C2CD3: variants seen among roughly 807,000 people sequenced by gnomAD.
The protein encoded by C2CD3 is C2 domain-containing protein 3.
Under a neutral mutation model 234.0 loss-of-function variants are expected in C2CD3, and 148 were observed. That is an observed-to-expected ratio of 0.63 (90% CI 0.55 to 0.72). The LOEUF is 0.72. Ranked by LOEUF, C2CD3 falls within the 30% of genes least tolerant of loss-of-function variation. The pLI is 0.00. For synonymous variants in C2CD3, 1,000 were observed against 1,035.4 expected (o/e 0.97, Z 0.66); for missense variants, 2,577 against 2,811.5 (o/e 0.92, Z 1.89).
intron 24 of C2CD3, 97 bp downstream of exon 24, chr11:74,074,156 A>C (rs1954922928): frequency 1.2e-6 from 1 of 825,142 alleles, no homozygotes; most frequent in African/African-American, 1.7e-5. Context: ...ATCAGTTGAG[A>C]TAATTAACAG....
intron 29 of C2CD3, among the ~76,000 whole-genome samples, chr11:74,040,150 G>T (rs1394317070): frequency 2.0e-5 from 3 of 152,212 alleles, no homozygotes; most frequent in Non-Finnish European, 4.4e-5. Flanking sequence ...AGCAGCATTA[G>T]ATTCTCATAG....
Position 74,103,165 on chromosome 11 carries a change from C to T in C2CD3, c.2546G>A (p.Trp849Ter). ...GTTAAAGACCGGTTGTGTTGTGCCC[C>T]ATGCGATGACAGATCTGGTGACTTC... The part of the protein sequence containing the change: ...TEEVTRSVIA[W>*]GTTQPVFNFS... The change falls in exon 14 of 33, where the codon TGG becomes TAG. Residue 849 changes from tryptophan (W) to a stop codon, truncating the protein, a stop_gained. Coordinates refer to ENST00000334126, the MANE Select transcript of C2CD3 (RefSeq NM_001286577.2). LOFTEE classifies it high-confidence loss of function. The T allele has an allele frequency of 6.2e-7, 1 of 1,613,812 alleles. No individual in the cohort carries two copies. The highest frequency in any genetic ancestry group is 8.5e-7 in the Non-Finnish European group (1 of 1,179,726).
At chr11:74,097,567 A>G (rs1197955630) in intron 16 of C2CD3, among the ~76,000 whole-genome samples, 1 of 152,246 alleles carries the variant, frequency 6.6e-6, no homozygotes, top group African/African-American at 2.4e-5. Context: ...ATGTATGTCA[A>G]TGTGCTTTCT....
intron 32 of C2CD3, among the ~76,000 whole-genome samples, chr11:74,014,536 GCC>G (rs1951810564): frequency 1.5e-5 from 2 of 131,124 alleles, no homozygotes; most frequent in African/African-American, 8.8e-5. Flanking sequence ...CGAGAGTTGC[GCC>G]CAGCGAGAGT....
intron 3 of C2CD3, among the ~76,000 whole-genome samples, chr11:74,142,576 G>C (rs1258107373): frequency 1.3e-5 from 2 of 152,144 alleles, no homozygotes; most frequent in East Asian, 1.9e-4. Context: ...GGGGTCTGAG[G>C]CTGGGGAAAA....
At chr11:74,117,954 A>G (rs1394508510) in intron 9 of C2CD3, among the ~76,000 whole-genome samples, 1 of 151,816 alleles carries the variant, frequency 6.6e-6, no homozygotes, top group African/African-American at 2.4e-5. Flanking sequence ...GTACAGTGTC[A>G]TATTGCTTGG....
At position 74,098,120 on chromosome 11, in the gene C2CD3, T is replaced by C. The variant is rs865806974; in HGVS notation, c.2868A>G (p.Ser956=). 1 of 1,614,124 alleles carries C rather than the reference T, an allele frequency of 6.2e-7. No homozygotes were observed. Among genetic ancestry groups the C allele is most frequent in the African/African-American group, 1.3e-5 (1 of 75,038 alleles). The change falls in exon 16 of 33, where the codon TCA becomes TCG. Residue 956 remains serine (S), a synonymous_variant. Transcript: ENST00000334126. ...SLRVFLAMGS[S]NQIMALQRLK... ...ATCTTTGTAGTGCCATTATTTGATT[T>C]GAAGAACCCATAGCTAAAAAGACTC...
At position 74,030,637 on chromosome 11, in the gene C2CD3, CAG is replaced by C. The variant is rs772114280; in HGVS notation, c.6810-2241_6810-2240del. ...CTTCTCTTTGCACACTGGAGATGCT[CAG>C]AGTCTGCCTCTGTGTGTTTGGTTCC... On this transcript the variant is annotated intron_variant, in intron 31 of 32. Transcript: ENST00000334126. 7.4e-4 allele frequency among the ~76,000 whole-genome samples: 113 copies of C among 152,298 alleles called. 1 individual carries two copies. Among genetic ancestry groups the C allele is most frequent in the Non-Finnish European group, 2.8e-4 (19 of 68,018 alleles).
At chr11:74,165,547 G>A (rs1346732557) in intron 2 of C2CD3, among the ~76,000 whole-genome samples, 4 of 152,042 alleles carry the variant, frequency 2.6e-5, no homozygotes, top group East Asian at 3.9e-4. Flanking sequence ...ATAATAATGC[G>A]AATACCTACC....
Position 74,106,417 on chromosome 11 carries a change from A to G in C2CD3, c.2039T>C (p.Leu680Pro). 6.2e-7 allele frequency: 1 copy of G among 1,614,118 alleles called. No homozygotes were observed. Among genetic ancestry groups the G allele is most frequent in the South Asian group, 1.1e-5 (1 of 91,082 alleles). Residue 680 changes from leucine to proline, a missense_variant, in exon 13 of 33, where the codon CTT becomes CCT. Coordinates refer to ENST00000334126, the MANE Select transcript of C2CD3 (RefSeq NM_001286577.2). The stretch of plus-strand genomic sequence containing the variant: ...CTGACCATTTTCTTGTTGCACTGGA[A>G]GCTGATCACTGAAAGAAAGCAGCTC... Reference protein sequence around the residue: ...QSELLSFSDQLPVQQENGQSP... With the variant: ...QSELLSFSDQPPVQQENGQSP...
intron 16 of C2CD3, 75 bp from the exon 17 acceptor site, chr11:74,095,483 T>A: frequency 8.7e-7 from 1 of 1,151,212 alleles, no homozygotes; most frequent in South Asian, 1.5e-5. Flanking sequence ...CTCTATGAAG[T>A]CTGAGTATAG....
At chr11:74,054,532 A>G (rs1953868947) in intron 26 of C2CD3, 75 bp downstream of exon 26, 2 of 679,212 alleles carry the variant, frequency 2.9e-6, no homozygotes, top group South Asian at 2.2e-5. Context: ...AAAAAAAAAA[A>G]GGAATGGTAG....
rs549541735 is a variant in C2CD3 at position 74,119,069 on chromosome 11, C to T, written c.1366-687G>A. 3.3e-5 allele frequency among the ~76,000 whole-genome samples: 5 copies of T among 151,994 alleles called. No homozygotes were observed. The East Asian group carries it at 9.6e-4, about 29-fold the overall frequency. ...GGACTACAGACATGAGCCACCACAC[C>T]TGACTAATTTTTGTATTTTTTGTAG... On this transcript the variant is annotated intron_variant, in intron 8 of 32. Coordinates refer to ENST00000334126, the MANE Select transcript of C2CD3 (RefSeq NM_001286577.2).
chr11:74,058,995 G>C (rs919477020), intron 24 of C2CD3, among the ~76,000 whole-genome samples: 1 of 152,044 alleles, frequency 6.6e-6, no homozygotes, highest in East Asian at 1.9e-4. Context: ...CTGAATAATA[G>C]ACACTTTACA....
At chr11:74,155,254 T>C (rs948526741) in intron 3 of C2CD3, among the ~76,000 whole-genome samples, 1 of 152,182 alleles carries the variant, frequency 6.6e-6, no homozygotes, top group Non-Finnish European at 1.5e-5. Flanking sequence ...ATCCAATGAC[T>C]GCAAATAAAA....
intron 31 of C2CD3, among the ~76,000 whole-genome samples, chr11:74,031,640 G>A (rs1330276384): frequency 6.6e-6 from 1 of 152,112 alleles, no homozygotes; most frequent in Non-Finnish European, 1.5e-5. Context: ...TCTCATAATG[G>A]GAACTTCTCG....
intron 3 of C2CD3, among the ~76,000 whole-genome samples, chr11:74,141,912 G>C (rs1220658213): frequency 6.6e-6 from 1 of 151,958 alleles, no homozygotes; most frequent in African/African-American, 2.4e-5. Flanking sequence ...TGAGGCAGGA[G>C]GACTGCTTGA....
At chr11:74,072,393 A>T (rs971393722) in intron 24 of C2CD3, among the ~76,000 whole-genome samples, 1 of 152,320 alleles carries the variant, frequency 6.6e-6, no homozygotes, top group South Asian at 2.1e-4. Flanking sequence ...TTTCTGTTCT[A>T]AAGTAGTAAG....
At chr11:74,031,951 C>T (rs1341956644) in intron 31 of C2CD3, among the ~76,000 whole-genome samples, 1 of 152,190 alleles carries the variant, frequency 6.6e-6, no homozygotes, top group African/African-American at 2.4e-5. Context: ...ACTCTCCCAC[C>T]CCTAGGTTTT....
Sources: gnomAD v4.1 joint callset for allele counts (sites outside exome capture counted in the v4.1 genomes callset) on GRCh38, gnomAD v4.1.1 for gene constraint, MANE v1.5 for transcripts, NCBI Gene and HGNC (gene_info 2026-07-23, HGNC 2026-07-21) for gene names.